The following IQCK variants were observed in gnomAD, a reference collection of about 807,000 sequenced individuals.
IQCK encodes the protein IQ domain-containing protein K.
A neutral mutation model predicts 28.1 loss-of-function variants in IQCK; 29 were observed. That is an observed-to-expected ratio of 1.03 (90% confidence interval 0.77 to 1.41). The LOEUF is 1.41. Ranked by LOEUF, IQCK falls within the 40% of genes most tolerant of loss-of-function variation. The pLI is 0.00. For synonymous variants in IQCK, 113 were observed against 115.1 expected, an observed-to-expected ratio of 0.98 and a Z score of 0.12; for missense variants, 359 against 314.7, an observed-to-expected ratio of 1.14 and a Z score of -1.07.
intron 9 of IQCK, among the ~76,000 whole-genome samples, chr16:19,852,407 TAACAAACA>T (rs71146277): frequency 0.18 from 26,725 of 151,418 alleles, 2,569 homozygotes; most frequent in East Asian, 0.31. Context: ...CTACAACATT[TAACAAACA>T]AACAAACAAA....
intron 4 of IQCK, among the ~76,000 whole-genome samples, chr16:19,740,656 T>A (rs2151689778): frequency 6.6e-6 from 1 of 152,306 alleles, no homozygotes; most frequent in African/African-American, 2.4e-5. Flanking sequence ...CACAGTGGAA[T>A]AATCTTTGTT....
At chr16:19,721,780 G>C (rs1351031947) in intron 1 of IQCK, among the ~76,000 whole-genome samples, 1 of 152,148 alleles carries the variant, frequency 6.6e-6, no homozygotes, top group Non-Finnish European at 1.5e-5. Flanking sequence ...GTTTTGCCAT[G>C]TTGGCCAAGC....
At chr16:19,777,159 T>C (rs999005276) in intron 6 of IQCK, among the ~76,000 whole-genome samples, 1 of 151,972 alleles carries the variant, frequency 6.6e-6, no homozygotes, top group African/African-American at 2.4e-5. Context: ...TTGGGTGAAA[T>C]GTCTTTTCAG....
Position 19,730,763 on chromosome 16 carries a change from T to TATC in IQCK, c.246+269_246+270insATC, listed in dbSNP as rs1044118507. Among the ~76,000 whole-genome samples, 9 of 77,766 alleles carry TATC rather than the reference T, an allele frequency of 1.2e-4. No individual in the cohort carries two copies. The African/African-American group carries it at 1.6e-3, about 14-fold the overall frequency. 51.0% of individuals were successfully genotyped at this position (77,766 alleles called of 152,430 possible). A position where few individuals can be genotyped will look rare whatever the true frequency, so the allele number is the denominator to read the frequency against. On this transcript the variant is annotated intron_variant, in intron 2 of 7. Coordinates refer to ENST00000564186, the Ensembl canonical transcript of IQCK. ...TGTCTGTCTATCTATCTATCTTATC[T>TATC]TATCTATCTATCTACCTAATCTATT...
intron 4 of IQCK, among the ~76,000 whole-genome samples, chr16:19,760,588 G>T (rs1156351051): frequency 2.6e-5 from 4 of 152,192 alleles, no homozygotes; most frequent in Non-Finnish European, 5.9e-5. Flanking sequence ...GACTCTTGGG[G>T]TGATACAATT....
intron 4 of IQCK, among the ~76,000 whole-genome samples, chr16:19,758,146 C>CT (rs2055078137): frequency 6.6e-6 from 1 of 152,194 alleles, no homozygotes; most frequent in South Asian, 2.1e-4. Context: ...GGTGCCCTCG[C>CT]TGTCTAAATC....
At chr16:19,807,863 A>G (rs917995529) in intron 7 of IQCK, among the ~76,000 whole-genome samples, 1 of 152,206 alleles carries the variant, frequency 6.6e-6, no homozygotes, top group African/African-American at 2.4e-5. Context: ...GCTCATAAGT[A>G]TTAGCTCTGT....
downstream of IQCK, among the ~76,000 whole-genome samples, chr16:19,829,747 C>T (rs906530958): frequency 2.6e-5 from 4 of 152,250 alleles, no homozygotes; most frequent in Admixed American, 6.5e-5. Flanking sequence ...CAACAAGTCC[C>T]GCTGATGCTT....
chr16:19,723,590 A>G (rs1333995875), intron 1 of IQCK, among the ~76,000 whole-genome samples: 5 of 152,154 alleles, frequency 3.3e-5, no homozygotes, highest in Non-Finnish European at 5.9e-5. Context: ...ACCCCTGAAG[A>G]AGACACCAGC....
chr16:19,774,398 CTTTTTTTTTT>C lies in IQCK; in HGVS notation c.605+10304_605+10313del, dbSNP rs1167894201. 6.6e-3 allele frequency among the ~76,000 whole-genome samples: 682 copies of C among 104,116 alleles called. 3 individuals are homozygous for C. Among genetic ancestry groups the C allele is most frequent in the African/African-American group, 0.024 (646 of 27,150 alleles). The allele number at this position is 104,116 out of a possible 152,430, so 68.3% of individuals were successfully genotyped here. A position where few individuals can be genotyped will look rare whatever the true frequency, so the allele number is the denominator to read the frequency against. ...AAGGGAATTATTTATTTAGCTAATACTTTTTTTTTTTTTTTTTTTTTTTTTTTGAGACAGG... is the reference window on the plus strand; with the variant it reads ...AAGGGAATTATTTATTTAGCTAATACTTTTTTTTTTTTTTTTTGAGACAGG... On this transcript the variant is annotated intron_variant, in intron 6 of 7. Transcript: ENST00000564186.
At chr16:19,828,903 T>TA (rs2056190226), downstream of IQCK, among the ~76,000 whole-genome samples, 2 of 141,394 alleles carry the variant, frequency 1.4e-5, no homozygotes, top group African/African-American at 5.1e-5. Flanking sequence ...ATTATATATA[T>TA]TTTTATATAT....
At chr16:19,844,460 A>T (rs2056393517) in intron 9 of IQCK, among the ~76,000 whole-genome samples, 1 of 152,220 alleles carries the variant, frequency 6.6e-6, no homozygotes, top group Admixed American at 6.5e-5. Flanking sequence ...AAAGAAGAGT[A>T]TGGGGCACAT....
intron 7 of IQCK, among the ~76,000 whole-genome samples, chr16:19,804,430 G>T (rs1026062321): frequency 2.0e-5 from 3 of 151,692 alleles, no homozygotes; most frequent in Non-Finnish European, 4.4e-5. Context: ...TGTGTGTGGT[G>T]GTTTTTTTTG....
At chr16:19,731,727 T>C (rs772041709) in intron 2 of IQCK, among the ~76,000 whole-genome samples, 20 of 151,946 alleles carry the variant, frequency 1.3e-4, no homozygotes, top group South Asian at 2.1e-4. Context: ...AGGATACATA[T>C]ATGAGAGGGG....
Position 19,718,470 on chromosome 16 carries a change from GGGAGCAGA to G in IQCK, c.165_172del (p.Trp55CysfsTer6). The G allele has an allele frequency of 6.2e-7, 1 of 1,606,882 alleles. No homozygotes were observed. Among genetic ancestry groups the G allele is most frequent in the Non-Finnish European group, 8.5e-7 (1 of 1,177,730 alleles). ...ACCGAGCCGTCAAGCAAGAATCTGT[GGGAGCAGA>G]TCTGCAAGGGTAGGAAACCTGGGCT... On this transcript the variant is annotated frameshift_variant, in exon 1 of 8. Coordinates refer to ENST00000564186, the Ensembl canonical transcript of IQCK. LOFTEE classifies it high-confidence loss of function.
chr16:19,820,303 G>A (rs941650803), intron 7 of IQCK, among the ~76,000 whole-genome samples: 5 of 152,158 alleles, frequency 3.3e-5, no homozygotes, highest in Non-Finnish European at 7.3e-5. Context: ...GATCGCTTGA[G>A]GTCAGGAGTT....
At chr16:19,820,304 G>A (rs1335035358) in intron 7 of IQCK, among the ~76,000 whole-genome samples, 2 of 152,094 alleles carry the variant, frequency 1.3e-5, no homozygotes, top group Non-Finnish European at 2.9e-5. Context: ...ATCGCTTGAG[G>A]TCAGGAGTTC....
chr16:19,770,634 C>CG (rs1232046657), intron 6 of IQCK, among the ~76,000 whole-genome samples: 25 of 21,078 alleles, frequency 1.2e-3, no homozygotes, highest in South Asian at 3.5e-3. Context: ...TTTTGGGGGG[C>CG]GGGGGGGTGA....
At chr16:19,819,919 G>C (rs776187259) in intron 7 of IQCK, among the ~76,000 whole-genome samples, 1 of 151,754 alleles carries the variant, frequency 6.6e-6, no homozygotes, top group African/African-American at 2.4e-5. Context: ...AGAATTAAGA[G>C]TCTAGAAATA....
Sources: gnomAD v4.1 joint callset for allele counts (sites outside exome capture counted in the v4.1 genomes callset) on GRCh38, gnomAD v4.1.1 for gene constraint, MANE v1.5 for transcripts, NCBI Gene and HGNC (gene_info 2026-07-23, HGNC 2026-07-21) for gene names.